STK3: variants seen among roughly 807,000 people sequenced by gnomAD.
The protein encoded by STK3 is serine/threonine-protein kinase 3.
A neutral mutation model predicts 58.0 loss-of-function variants in STK3; 41 were observed. The observed-to-expected ratio is 0.71, with a 90% confidence interval of 0.55 to 0.92. The LOEUF (loss-of-function observed/expected upper bound fraction) is 0.92. Ranked by LOEUF, STK3 falls within the 40% of genes least tolerant of loss-of-function variation. The pLI is 0.00. For missense variants in STK3, 479 were observed against 602.7 expected (o/e 0.79, Z 2.15); for synonymous variants, 170 against 191.0 (o/e 0.89, Z 0.91).
chr8:98,622,270 A>C (rs1004315929), intron 6 of STK3, among the ~76,000 whole-genome samples: 1 of 145,468 alleles, frequency 6.9e-6, no homozygotes, highest in African/African-American at 2.5e-5. Flanking sequence ...CTCCATCTCC[A>C]AAAAAAAAAA....
chr8:98,521,041 T>C (rs1388133023), intron 10 of STK3, among the ~76,000 whole-genome samples: 1 of 152,152 alleles, frequency 6.6e-6, no homozygotes, highest in Non-Finnish European at 1.5e-5. Flanking sequence ...TTTATTCATC[T>C]CTTATTTATT....
chr8:98,396,222 C>T (rs762702941), intron 3 of STK3, among the ~76,000 whole-genome samples: 4 of 152,092 alleles, frequency 2.6e-5, no homozygotes, highest in Admixed American at 6.6e-5. Context: ...CAAAAACATC[C>T]GCTGTTAAGT....
chr8:98,740,701 A>C (rs1174946247), intron 4 of STK3, among the ~76,000 whole-genome samples: 12 of 152,198 alleles, frequency 7.9e-5, no homozygotes, highest in Non-Finnish European at 1.5e-4. Flanking sequence ...GAGCAAAATA[A>C]CCAGCTAACA....
At chr8:98,741,023 T>G (rs1250548733) in intron 4 of STK3, among the ~76,000 whole-genome samples, 7 of 152,254 alleles carry the variant, frequency 4.6e-5, no homozygotes, top group African/African-American at 1.7e-4. Flanking sequence ...GGTAGAGGGA[T>G]CAATTCAACA....
rs546011639 is a variant in STK3 at position 98,890,487 on chromosome 8, A to T, written c.-78-6653T>A. Among the ~76,000 whole-genome samples the T allele has an allele frequency of 3.9e-5, 6 of 152,324 alleles. No individual in the cohort carries two copies. The South Asian group carries it at 1.2e-3, about 32-fold the overall frequency. Reference sequence around the variant, plus strand: ...GTACCTTGTCTGTGCGACAGCAAGCAACTAGAATCTCAGGAAACACCAACC... The same window carrying T: ...GTACCTTGTCTGTGCGACAGCAAGCTACTAGAATCTCAGGAAACACCAACC... On this transcript the variant is annotated intron_variant, in intron 1 of 1. Coordinates refer to the STK3 transcript ENST00000519420.
intron 8 of STK3, among the ~76,000 whole-genome samples, chr8:98,570,430 C>T (rs757429640): frequency 6.6e-5 from 10 of 151,938 alleles, no homozygotes; most frequent in East Asian, 1.9e-4. Flanking sequence ...CGTGAGCCAC[C>T]GTGCCTGGCC....
intron 1 of STK3, among the ~76,000 whole-genome samples, chr8:98,915,644 T>C (rs1469529054): frequency 6.6e-6 from 1 of 151,824 alleles, no homozygotes; most frequent in Non-Finnish European, 1.5e-5. Context: ...TGCTGATTGA[T>C]TGATATGTGT....
At chr8:98,376,321 A>C (rs1369049576) in intron 2 of STK3, among the ~76,000 whole-genome samples, 1 of 152,182 alleles carries the variant, frequency 6.6e-6, no homozygotes, top group East Asian at 1.9e-4. Flanking sequence ...TCTGGATACA[A>C]GTCCTTTGTC....
chr8:98,725,267 G>C (rs1827718224), intron 4 of STK3, among the ~76,000 whole-genome samples: 1 of 152,102 alleles, frequency 6.6e-6, no homozygotes, highest in South Asian at 2.1e-4. Flanking sequence ...TGTAAAACAA[G>C]ATATACATAC....
downstream of STK3, among the ~76,000 whole-genome samples, chr8:98,452,275 G>A (rs1317649593): frequency 6.6e-6 from 1 of 152,214 alleles, no homozygotes; most frequent in South Asian, 2.1e-4. Flanking sequence ...ATATAACAGC[G>A]GTAAGTAATG....
intron 6 of STK3, among the ~76,000 whole-genome samples, chr8:98,701,548 CG>C (rs1365450951): frequency 6.6e-6 from 1 of 151,680 alleles, no homozygotes; most frequent in Non-Finnish European, 1.5e-5. Context: ...CGCTTGAAAC[CG>C]GGAGGCAGAG....
At chr8:98,849,184 C>A (rs900257340) in intron 3 of STK3, among the ~76,000 whole-genome samples, 65 of 150,432 alleles carry the variant, frequency 4.3e-4, no homozygotes, top group African/African-American at 1.5e-3. Flanking sequence ...CGAGATCACG[C>A]CACTGCACTA....
At chr8:98,365,206 A>AT in the STK3 span, among the ~76,000 whole-genome samples, 3 of 152,124 alleles carry the variant, frequency 2.0e-5, no homozygotes, top group Admixed American at 6.5e-5. Flanking sequence ...AAATCATGTA[A>AT]TTTTTTCCCA....
intron 6 of STK3, among the ~76,000 whole-genome samples, chr8:98,668,697 G>A (rs1019721981): frequency 6.6e-6 from 1 of 151,960 alleles, no homozygotes; most frequent in Non-Finnish European, 1.5e-5. Flanking sequence ...TTCCTTTACA[G>A]TTAGTTTAAA....
At chr8:98,431,759 C>G (rs979440842) in intron 3 of STK3, 1 of 167,118 alleles carries the variant, frequency 6.0e-6, no homozygotes, top group Non-Finnish European at 1.5e-5. Context: ...CTTGACTTTT[C>G]TTTTTGGTAA....
the STK3 span, among the ~76,000 whole-genome samples, chr8:98,348,106 T>C: frequency 6.6e-6 from 1 of 152,174 alleles, no homozygotes; most frequent in African/African-American, 2.4e-5. Flanking sequence ...TAGACCCTCA[T>C]GAATATAGTT....
chr8:98,503,254 C>T (rs1677464170), intron 10 of STK3, among the ~76,000 whole-genome samples: 1 of 152,034 alleles, frequency 6.6e-6, no homozygotes, highest in Non-Finnish European at 1.5e-5. Flanking sequence ...GTGGTGATAT[C>T]TCCTTTATCA....
intron 10 of STK3, among the ~76,000 whole-genome samples, chr8:98,512,481 GAATT>G (rs1325384089): frequency 3.9e-5 from 6 of 151,984 alleles, no homozygotes; most frequent in Non-Finnish European, 7.4e-5. Flanking sequence ...ATGACATAAA[GAATT>G]AATACATAAA....
chr8:98,453,580 T>A (rs1269053644), downstream of STK3, among the ~76,000 whole-genome samples: 3 of 152,210 alleles, frequency 2.0e-5, no homozygotes, highest in East Asian at 5.8e-4. Context: ...TTTGTGTACA[T>A]ACACTTAAAT....
Sources: allele counts gnomAD v4.1 joint callset (sites outside exome capture counted in the v4.1 genomes callset), GRCh38; gene constraint gnomAD v4.1.1; transcripts MANE v1.5; gene names NCBI Gene and HGNC (gene_info 2026-07-23, HGNC 2026-07-21).